The following CSTPP1 variants were observed in gnomAD, a reference collection of about 807,000 sequenced individuals.
CSTPP1 encodes the protein UPF0705 protein C11orf49.
chr11:47,158,135 G>A, the CSTPP1 span, among the ~76,000 whole-genome samples: 1 of 152,040 alleles, frequency 6.6e-6, no homozygotes, highest in Admixed American at 6.5e-5. Context: ...CCTGCCTGCA[G>A]CCCTGCCCCA....
chr11:46,976,878 A>T, the CSTPP1 span, among the ~76,000 whole-genome samples: 1 of 152,096 alleles, frequency 6.6e-6, no homozygotes, highest in Non-Finnish European at 1.5e-5. Flanking sequence ...AGAATACTGA[A>T]GTTTCGACCT....
chr11:47,133,895 T>C, the CSTPP1 span, among the ~76,000 whole-genome samples: 1 of 152,192 alleles, frequency 6.6e-6, no homozygotes, highest in African/African-American at 2.4e-5. Flanking sequence ...TGAGGTGACA[T>C]ATGTAAACCC....
At chr11:47,021,049 G>A in the CSTPP1 span, among the ~76,000 whole-genome samples, 1 of 152,162 alleles carries the variant, frequency 6.6e-6, no homozygotes, top group Admixed American at 6.5e-5. Flanking sequence ...AGACAGAAAG[G>A]ATTACTTTTT....
At chr11:46,968,393 T>G in the CSTPP1 span, among the ~76,000 whole-genome samples, 3 of 146,810 alleles carry the variant, frequency 2.0e-5, no homozygotes, top group Non-Finnish European at 4.5e-5. Context: ...TTTAATATAT[T>G]TAAATAATAT....
the CSTPP1 span, among the ~76,000 whole-genome samples, chr11:47,143,005 A>G: frequency 6.6e-6 from 1 of 152,192 alleles, no homozygotes; most frequent in Non-Finnish European, 1.5e-5. Flanking sequence ...GAATGGCAGT[A>G]ACAACAGAAG....
chr11:47,110,747 A>G, the CSTPP1 span, among the ~76,000 whole-genome samples: 58 of 152,210 alleles, frequency 3.8e-4, no homozygotes, highest in African/African-American at 1.3e-3. Flanking sequence ...CCTTTATTAT[A>G]TTCTTGCCTG....
At chr11:47,091,025 C>T in the CSTPP1 span, among the ~76,000 whole-genome samples, 4 of 120,068 alleles carry the variant, frequency 3.3e-5, no homozygotes, top group Non-Finnish European at 6.6e-5. Flanking sequence ...GGCAACAGAG[C>T]GAGACAGCGA....
the CSTPP1 span, among the ~76,000 whole-genome samples, chr11:47,143,139 C>G: frequency 6.6e-6 from 1 of 152,240 alleles, no homozygotes; most frequent in Non-Finnish European, 1.5e-5. Context: ...CAATGCCATG[C>G]TTTCCCCACT....
the CSTPP1 span, among the ~76,000 whole-genome samples, chr11:46,998,049 C>T: frequency 6.6e-6 from 1 of 152,172 alleles, no homozygotes; most frequent in Admixed American, 6.5e-5. Flanking sequence ...TCTCAGATCT[C>T]AAACTCCGTG....
At chr11:46,996,634 T>C in the CSTPP1 span, among the ~76,000 whole-genome samples, 1 of 152,158 alleles carries the variant, frequency 6.6e-6, no homozygotes. Flanking sequence ...ATTTTGCTCT[T>C]TAGTTGATGC....
chr11:46,945,382 A>G, the CSTPP1 span, among the ~76,000 whole-genome samples: 1 of 152,170 alleles, frequency 6.6e-6, no homozygotes, highest in Non-Finnish European at 1.5e-5. Flanking sequence ...TGGAAGGCTG[A>G]GGCGGGCAGA....
At chr11:47,162,281 A>G in the CSTPP1 span, 597 of 984,408 alleles carry the variant, frequency 6.1e-4, 1 homozygote, top group African/African-American at 9.9e-3. Context: ...CTGAGGGGAG[A>G]AGGGAGAGGG....
At chr11:47,038,283 AC>A in the CSTPP1 span, among the ~76,000 whole-genome samples, 7 of 77,560 alleles carry the variant, frequency 9.0e-5, no homozygotes, top group Non-Finnish European at 1.7e-4. Flanking sequence ...CGGGGGGCTG[AC>A]CCCCCCACCT....
the CSTPP1 span, among the ~76,000 whole-genome samples, chr11:47,117,206 A>T: frequency 6.6e-6 from 1 of 152,122 alleles, no homozygotes; most frequent in African/African-American, 2.4e-5. Context: ...TTGCCTGTTA[A>T]TTGATGCAGT....
chr11:46,978,870 T>A, the CSTPP1 span, among the ~76,000 whole-genome samples: 1 of 152,202 alleles, frequency 6.6e-6, no homozygotes, highest in Admixed American at 6.5e-5. Flanking sequence ...AAATTAGAAC[T>A]TTTCTGTATC....
the CSTPP1 span, among the ~76,000 whole-genome samples, chr11:47,116,106 T>A: frequency 6.6e-6 from 1 of 152,234 alleles, no homozygotes; most frequent in Non-Finnish European, 1.5e-5. Flanking sequence ...GTTGTTCAGT[T>A]TCCATGTAGT....
the CSTPP1 span, among the ~76,000 whole-genome samples, chr11:47,146,886 A>C: frequency 6.6e-6 from 1 of 152,240 alleles, no homozygotes. Context: ...GAATCTCAAA[A>C]TATCAAAGTT....
the CSTPP1 span, among the ~76,000 whole-genome samples, chr11:47,031,178 T>C: frequency 6.6e-6 from 1 of 152,372 alleles, no homozygotes; most frequent in African/African-American, 2.4e-5. Flanking sequence ...ACATCATACA[T>C]AAATTCTTAG....
the CSTPP1 span, among the ~76,000 whole-genome samples, chr11:47,028,591 G>A: frequency 6.6e-6 from 1 of 152,186 alleles, no homozygotes. Flanking sequence ...AGAAGCTGGT[G>A]TGTAAGGCAA....
Sources: gnomAD v4.1 joint callset for allele counts (sites outside exome capture counted in the v4.1 genomes callset) on GRCh38, gnomAD v4.1.1 for gene constraint, MANE v1.5 for transcripts, NCBI Gene and HGNC (gene_info 2026-07-23, HGNC 2026-07-21) for gene names.